Variants in CREM observed in about 807,000 individuals in gnomAD.
The protein encoded by CREM is cAMP-responsive element modulator.
A neutral mutation model predicts 37.3 loss-of-function variants in CREM; 13 were observed. The observed-to-expected ratio is 0.35, with a 90% CI of 0.23 to 0.55. CREM has a LOEUF of 0.55. CREM is among the 20% of genes least tolerant of loss of function. CREM has a pLI of 0.88. For missense variants in CREM, 296 were observed against 362.3 expected, an observed-to-expected ratio of 0.82 and a Z score of 1.49; for synonymous variants, 124 against 120.2, an observed-to-expected ratio of 1.03 and a Z score of -0.21.
chr10:35,141,017 C>T (rs938313422), intron 2 of CREM, among the ~76,000 whole-genome samples: 6 of 152,180 alleles, frequency 3.9e-5, no homozygotes, highest in Admixed American at 2.6e-4. Context: ...GGAAAAAGAC[C>T]TTGGTTGAAA....
At chr10:35,180,022 G>A (rs2094287728) in intron 5 of CREM, among the ~76,000 whole-genome samples, 1 of 152,128 alleles carries the variant, frequency 6.6e-6, no homozygotes, top group Admixed American at 6.6e-5. Flanking sequence ...TTAGGTACTG[G>A]AATAATGTGA....
chr10:35,127,562 C>T (rs780608497), intron 1 of CREM: 1 of 152,454 alleles, frequency 6.6e-6, no homozygotes, highest in Non-Finnish European at 1.5e-5. Flanking sequence ...GAAAAGGAAT[C>T]CAGAAGTAAG....
At position 35,154,985 on chromosome 10, in the gene CREM, C is replaced by T. The variant is rs191025753; in HGVS notation, c.168+6494C>T. 2.6e-3 allele frequency among the ~76,000 whole-genome samples: 391 copies of T among 152,102 alleles called. 1 individual carries two copies. Among genetic ancestry groups the T allele is most frequent in the African/African-American group, 7.4e-3 (309 of 41,504 alleles). On this transcript the variant is annotated intron_variant, in intron 3 of 7. Coordinates refer to ENST00000685392, the MANE Select transcript of CREM (RefSeq NM_183011.2). ...AAAGTTTGTTTTTGGCTTTAGAATA[C>T]GCTTTTATGTTTTCATCCCAGTAGT...
intron 3 of CREM, among the ~76,000 whole-genome samples, chr10:35,164,415 G>A (rs988309986): frequency 3.3e-5 from 5 of 152,198 alleles, no homozygotes; most frequent in African/African-American, 9.7e-5. Flanking sequence ...CCTCCAAAGG[G>A]TATAGAGGAG....
intron 2 of CREM, among the ~76,000 whole-genome samples, chr10:35,141,354 A>C (rs1370516481): frequency 6.6e-6 from 1 of 152,202 alleles, no homozygotes; most frequent in Admixed American, 6.5e-5. Flanking sequence ...ATGTTTTAGA[A>C]ACATAACTAT....
chr10:35,149,620 T>G (rs1412179562), intron 3 of CREM, among the ~76,000 whole-genome samples: 2 of 151,984 alleles, frequency 1.3e-5, no homozygotes, highest in African/African-American at 2.4e-5. Context: ...ACCTTTGTGG[T>G]ACATTAAAGG....
intron 6 of CREM, among the ~76,000 whole-genome samples, chr10:35,200,163 C>T (rs2095341648): frequency 6.6e-6 from 1 of 152,164 alleles, no homozygotes. Flanking sequence ...GCTGGGATTA[C>T]AGGCATGAGC....
intron 5 of CREM, among the ~76,000 whole-genome samples, chr10:35,181,640 A>G (rs2094355900): frequency 6.6e-6 from 1 of 152,188 alleles, no homozygotes; most frequent in African/African-American, 2.4e-5. Context: ...TGGGAGGTCT[A>G]GGCAATGAGG....
intron 5 of CREM, among the ~76,000 whole-genome samples, chr10:35,187,005 TAATATA>T (rs2094602733): frequency 1.2e-5 from 1 of 83,786 alleles, no homozygotes; most frequent in Non-Finnish European, 2.0e-5. Flanking sequence ...ATATTATATA[TAATATA>T]ATATATAATA....
At chr10:35,208,059 T>C (rs1296865037) in intron 7 of CREM, among the ~76,000 whole-genome samples, 1 of 152,220 alleles carries the variant, frequency 6.6e-6, no homozygotes, top group Non-Finnish European at 1.5e-5. Context: ...TTTTTTAGCT[T>C]CTCTCTGAGA....
Position 35,165,550 on chromosome 10 carries a change from C to A in CREM, c.169-13339C>A, listed in dbSNP as rs1464007015. 2.0e-5 allele frequency among the ~76,000 whole-genome samples: 3 copies of A among 151,870 alleles called. 1 individual carries two copies. The highest frequency in any genetic ancestry group is 2.9e-5 in the Non-Finnish European group (2 of 67,984). ...TTGGCTTAGAATCTTACTGCAAATTCTTTATGTGTATTTATTATTTTGAAA... is the reference window on the plus strand; with the variant it reads ...TTGGCTTAGAATCTTACTGCAAATTATTTATGTGTATTTATTATTTTGAAA... On this transcript the variant is annotated intron_variant, in intron 3 of 7. Transcript: ENST00000685392.
intron 3 of CREM, among the ~76,000 whole-genome samples, chr10:35,149,939 C>CACACACACACACACACACACACA (rs1554890903): frequency 9.0e-5 from 13 of 145,134 alleles, no homozygotes; most frequent in South Asian, 2.2e-4. Context: ...CACACACACA[C>CACACACACACACACACACACACA]CCTTGTTAAA....
intron 3 of CREM, chr10:35,154,161 A>G (rs1167022581): frequency 2.0e-5 from 8 of 398,364 alleles, no homozygotes; most frequent in Non-Finnish European, 3.5e-5. Context: ...AAATGTTGTC[A>G]TGTGCGAGTT....
At chr10:35,187,063 A>G (rs1318385218) in intron 5 of CREM, among the ~76,000 whole-genome samples, 1 of 69,914 alleles carries the variant, frequency 1.4e-5, no homozygotes, top group Non-Finnish European at 2.5e-5. Flanking sequence ...TAATATATAT[A>G]ATTAATATAA....
chr10:35,150,316 T>G (rs563138381), intron 3 of CREM, among the ~76,000 whole-genome samples: 1 of 152,152 alleles, frequency 6.6e-6, no homozygotes, highest in East Asian at 1.9e-4. Context: ...GGTGTGAGCT[T>G]CTTGTACCCA....
chr10:35,204,541 A>G (rs923323744), intron 6 of CREM, among the ~76,000 whole-genome samples: 1 of 151,032 alleles, frequency 6.6e-6, no homozygotes, highest in Non-Finnish European at 1.5e-5. Flanking sequence ...AGAAGGTTGC[A>G]GTAAGCCAAG....
Position 35,137,782 on chromosome 10 carries a change from GATAA to G in CREM, c.-48_-45del, listed in dbSNP as rs965760091. 1.0e-5 allele frequency: 14 copies of G among 1,395,586 alleles called. No homozygotes were observed. Among genetic ancestry groups the G allele is most frequent in the African/African-American group, 1.5e-5 (1 of 67,992 alleles). 86.5% of individuals were successfully genotyped at this position (1,395,586 alleles called of 1,614,324 possible). The stretch of plus-strand genomic sequence containing the variant: ...ATTCAACATTATAATTTTACTGCAG[GATAA>G]ATAAAGAAAACAGGAAAGGAGGAAA... On this transcript the variant is annotated splice_region_variant and 5_prime_UTR_variant, in exon 2 of 8. Coordinates refer to ENST00000685392, the MANE Select transcript of CREM (RefSeq NM_183011.2).
chr10:35,149,939 C>CACACACACACACACACACACA (rs1554890903), intron 3 of CREM, among the ~76,000 whole-genome samples: 27 of 145,230 alleles, frequency 1.9e-4, no homozygotes, highest in Non-Finnish European at 3.0e-4. Flanking sequence ...CACACACACA[C>CACACACACACACACACACACA]CCTTGTTAAA....
At chr10:35,184,972 C>G (rs1182589145) in intron 5 of CREM, among the ~76,000 whole-genome samples, 1 of 152,128 alleles carries the variant, frequency 6.6e-6, no homozygotes, top group Non-Finnish European at 1.5e-5. Context: ...TCATTTAACT[C>G]TCCTAGATTC....
Sources: gnomAD v4.1 joint callset for allele counts (sites outside exome capture counted in the v4.1 genomes callset) on GRCh38, gnomAD v4.1.1 for gene constraint, MANE v1.5 for transcripts, NCBI Gene and HGNC (gene_info 2026-07-23, HGNC 2026-07-21) for gene names.